Variants in WWOX observed in about 807,000 individuals in gnomAD.
WWOX encodes WW domain containing oxidoreductase, also known as WW domain-containing oxidoreductase.
Under a neutral mutation model 46.2 loss-of-function variants are expected in WWOX, and 69 were observed. The ratio of observed to expected loss-of-function variants is 1.49; its 90% CI spans 1.23 to 1.82. WWOX has a LOEUF of 1.82. Among genes scored for constraint, WWOX ranks in the 40% most tolerant of loss-of-function variants. The pLI is 0.00. For synonymous variants in WWOX, 359 were observed against 202.6 expected (o/e 1.77, Z -6.56); for missense variants, 919 against 542.6 (o/e 1.69, Z -6.89).
chr16:78,649,706 TTGTTA>T (rs2046923401), intron 8 of WWOX, among the ~76,000 whole-genome samples: 1 of 152,364 alleles, frequency 6.6e-6, no homozygotes, highest in East Asian at 1.9e-4. Context: ...TTTGTTACTG[TTGTTA>T]TGTTATTATT....
chr16:78,813,967 C>T (rs181812788), intron 8 of WWOX, among the ~76,000 whole-genome samples: 33 of 152,288 alleles, frequency 2.2e-4, no homozygotes, highest in Middle Eastern at 3.4e-3. Flanking sequence ...ACCCCCAATT[C>T]TATAGGTTCT....
chr16:78,734,256 A>G (rs540417144), intron 8 of WWOX, among the ~76,000 whole-genome samples: 44 of 152,186 alleles, frequency 2.9e-4, no homozygotes, highest in African/African-American at 9.6e-4. Flanking sequence ...TTATAAGTGC[A>G]AGGATTGCAA....
At chr16:78,878,569 C>T (rs903046360) in intron 8 of WWOX, among the ~76,000 whole-genome samples, 2 of 152,262 alleles carry the variant, frequency 1.3e-5, no homozygotes, top group African/African-American at 2.4e-5. Context: ...ATTATATTAA[C>T]ACCTATTTTA....
At chr16:78,143,079 A>G (rs2034041840) in intron 4 of WWOX, among the ~76,000 whole-genome samples, 1 of 152,244 alleles carries the variant, frequency 6.6e-6, no homozygotes, top group South Asian at 2.1e-4. Flanking sequence ...CAGCTTTGCA[A>G]TGAAAAGCCA....
chr16:79,114,910 A>C (rs1243701714), intron 8 of WWOX, among the ~76,000 whole-genome samples: 1 of 152,226 alleles, frequency 6.6e-6, no homozygotes, highest in African/African-American at 2.4e-5. Flanking sequence ...GTGATGACAC[A>C]GAGGCAGGAG....
At chr16:78,468,889 G>A (rs1310674223) in intron 8 of WWOX, among the ~76,000 whole-genome samples, 1 of 152,114 alleles carries the variant, frequency 6.6e-6, no homozygotes, top group Non-Finnish European at 1.5e-5. Context: ...CATTTTAAAA[G>A]GTTTCCCTTT....
chr16:78,194,348 G>A (rs1000131002), intron 5 of WWOX, among the ~76,000 whole-genome samples: 1 of 151,556 alleles, frequency 6.6e-6, no homozygotes, highest in Non-Finnish European at 1.5e-5. Context: ...TGCAATTTGG[G>A]AGGCCGAGGC....
intron 8 of WWOX, among the ~76,000 whole-genome samples, chr16:79,132,967 T>C (rs1295316511): frequency 1.3e-5 from 2 of 152,196 alleles, no homozygotes; most frequent in Non-Finnish European, 2.9e-5. Context: ...CTTGCCTGGG[T>C]CTGTTCTGTC....
At chr16:78,890,343 ATTCTTAAATT>A (rs1243140031) in intron 8 of WWOX, 7 of 152,164 alleles carry the variant, frequency 4.6e-5, no homozygotes, top group South Asian at 2.1e-4. Flanking sequence ...GACCTCCATC[ATTCTTAAATT>A]TGACCTCCAT....
intron 5 of WWOX, among the ~76,000 whole-genome samples, chr16:78,275,421 G>A (rs1050509563): frequency 2.0e-5 from 3 of 152,198 alleles, no homozygotes; most frequent in Non-Finnish European, 2.9e-5. Context: ...TACCTGGCCC[G>A]CTTTCCAAAT....
At chr16:79,038,541 CAAAG>C (rs1028110790) in intron 8 of WWOX, among the ~76,000 whole-genome samples, 4 of 152,124 alleles carry the variant, frequency 2.6e-5, no homozygotes, top group African/African-American at 7.2e-5. Flanking sequence ...AGTTTTCTGA[CAAAG>C]AATTAACTTT....
At chr16:78,398,020 A>G (rs1351932247) in intron 6 of WWOX, among the ~76,000 whole-genome samples, 2 of 152,214 alleles carry the variant, frequency 1.3e-5, no homozygotes, top group East Asian at 1.9e-4. Flanking sequence ...TCATCTTTAT[A>G]CATTTACTGT....
At chr16:78,904,926 G>A (rs946102102) in intron 8 of WWOX, among the ~76,000 whole-genome samples, 1 of 151,984 alleles carries the variant, frequency 6.6e-6, no homozygotes, top group African/African-American at 2.4e-5. Flanking sequence ...TTCCCAGTTG[G>A]TGCCCCTGTT....
intron 8 of WWOX, among the ~76,000 whole-genome samples, chr16:78,630,462 C>T (rs1357145912): frequency 1.3e-5 from 2 of 152,150 alleles, no homozygotes; most frequent in Admixed American, 6.5e-5. Flanking sequence ...GAGAGGGTGC[C>T]TACGTGGCCA....
intron 8 of WWOX, among the ~76,000 whole-genome samples, chr16:79,007,835 G>T (rs920380981): frequency 5.3e-5 from 8 of 152,156 alleles, no homozygotes; most frequent in Admixed American, 1.3e-4. Context: ...CATAACCTCT[G>T]CCCTTTATTA....
At chr16:78,905,260 A>T (rs1286629495) in intron 8 of WWOX, among the ~76,000 whole-genome samples, 1 of 152,178 alleles carries the variant, frequency 6.6e-6, no homozygotes, top group Non-Finnish European at 1.5e-5. Flanking sequence ...TTGCGTGCTA[A>T]TTTCAGTTGT....
chr16:79,016,541 G>C (rs138506045), intron 8 of WWOX: 2 of 152,482 alleles, frequency 1.3e-5, no homozygotes, highest in East Asian at 3.9e-4. Flanking sequence ...TCATGCCTCA[G>C]ACTCCTGAGT....
chr16:78,723,634 CT>C (rs201842978), intron 8 of WWOX, among the ~76,000 whole-genome samples: 1 of 78,852 alleles, frequency 1.3e-5, no homozygotes, highest in South Asian at 3.8e-4. Flanking sequence ...TTTCTTTTTT[CT>C]TTTCTTTTCT....
intron 8 of WWOX, among the ~76,000 whole-genome samples, chr16:79,046,147 G>C (rs1303574254): frequency 6.6e-6 from 1 of 152,110 alleles, no homozygotes; most frequent in African/African-American, 2.4e-5. Context: ...CTCCCTTGCA[G>C]GACTGTGCTC....
Sources: gnomAD v4.1 joint callset for allele counts (sites outside exome capture counted in the v4.1 genomes callset) on GRCh38, gnomAD v4.1.1 for gene constraint, MANE v1.5 for transcripts, NCBI Gene and HGNC (gene_info 2026-07-23, HGNC 2026-07-21) for gene names.